The following MROH9 variants were observed in gnomAD, a reference collection of about 807,000 sequenced individuals.
MROH9 encodes maestro heat like repeat family member 9.
In MROH9, 92 loss-of-function variants were observed where a neutral mutation model predicts 98.2. The observed-to-expected ratio is 0.94, with a 90% CI of 0.79 to 1.11. The LOEUF is 1.11. MROH9 is among the 50% of genes most tolerant of loss of function. The pLI is 0.00. For missense variants in MROH9, 1,057 were observed against 1,014.8 expected, an observed-to-expected ratio of 1.04 and a Z score of -0.57; for synonymous variants, 397 against 368.9, an observed-to-expected ratio of 1.08 and a Z score of -0.87.
intron 7 of MROH9, among the ~76,000 whole-genome samples, chr1:170,969,395 C>T (rs1324379895): frequency 6.6e-6 from 1 of 152,108 alleles, no homozygotes; most frequent in Non-Finnish European, 1.5e-5. Flanking sequence ...CATTCCTATT[C>T]TGTTATTCTG....
At chr1:171,001,714 G>A (rs1316799247) in intron 15 of MROH9, among the ~76,000 whole-genome samples, 1 of 152,110 alleles carries the variant, frequency 6.6e-6, no homozygotes, top group East Asian at 1.9e-4. Context: ...TGTGTATTCT[G>A]TGGTTGTTGG....
chr1:170,992,811 T>C (rs1290323183), intron 12 of MROH9, among the ~76,000 whole-genome samples: 1 of 152,136 alleles, frequency 6.6e-6, no homozygotes, highest in Non-Finnish European at 1.5e-5. Flanking sequence ...CTGAGTGAAT[T>C]GGGCAAGGGA....
Position 171,064,635 on chromosome 1 carries a change from T to C in MROH9, c.*295T>C. The stretch of plus-strand genomic sequence containing the variant: ...ATAAGCAAAGTGTTTGATGAGAAGC[T>C]CTGGGAACTTGATTCAGTCCGGAAG... On this transcript the variant is annotated 3_prime_UTR_variant, in exon 22 of 22. Transcript: ENST00000367759. 2 of 251,754 alleles carry C rather than the reference T, an allele frequency of 7.9e-6. No homozygotes were observed. The highest frequency in any genetic ancestry group is 1.5e-5 in the Non-Finnish European group (2 of 133,594). 15.6% of individuals were successfully genotyped at this position (251,754 alleles called of 1,614,324 possible).
chr1:171,006,708 G>A (rs923958924), intron 15 of MROH9, among the ~76,000 whole-genome samples: 2 of 113,898 alleles, frequency 1.8e-5, no homozygotes, highest in African/African-American at 3.4e-5. Flanking sequence ...CAAATGACTT[G>A]TCTTCAAGTT....
intron 20 of MROH9, among the ~76,000 whole-genome samples, chr1:171,039,715 G>A (rs1653233567): frequency 6.6e-6 from 1 of 152,100 alleles, no homozygotes; most frequent in African/African-American, 2.4e-5. Context: ...ATACTTGTTA[G>A]CATGAGAAAT....
chr1:170,952,304 T>A (rs1206684690), intron 3 of MROH9, among the ~76,000 whole-genome samples: 1 of 152,106 alleles, frequency 6.6e-6, no homozygotes, highest in Non-Finnish European at 1.5e-5. Flanking sequence ...TGCACACATA[T>A]GTTTATTGTG....
intron 20 of MROH9, among the ~76,000 whole-genome samples, chr1:171,035,574 T>C (rs1195822535): frequency 6.6e-6 from 1 of 152,032 alleles, no homozygotes; most frequent in South Asian, 2.1e-4. Flanking sequence ...AAAGAATTCA[T>C]GTAAATTTAT....
chr1:171,024,301 GGGGTGTGTGTGTGTGT>G lies in MROH9; in HGVS notation c.1909-92_1909-77del, dbSNP rs1652625469. 9.7e-6 allele frequency: 7 copies of G among 718,634 alleles called. No homozygotes were observed. The African/African-American group carries it at 2.1e-4, about 21-fold the overall frequency. 44.5% of individuals were successfully genotyped at this position (718,634 alleles called of 1,614,324 possible). On this transcript the variant is annotated intron_variant, in intron 17 of 21. Transcript: ENST00000367759. ...ATATACATATATAGTATATTTATAT[GGGGTGTGTGTGTGTGT>G]GTGTGTGTGTGTGTAGATTACTGAT...
In MROH9 at chr1:171,062,136, T is replaced by C; in HGVS notation, c.2286T>C (p.Tyr762=). Residue 762 remains tyrosine, a synonymous_variant, in exon 21 of 22, where the codon TAT becomes TAC. Transcript: ENST00000367759. ...LKRASVILIG[Y]LAKSGGHLLL... is the part of the protein sequence containing the mutation. ...TAATTTTTATTATGTGCATAGGATA[T>C]TTGGCAAAATCAGGTGGTCATTTAC... is the stretch of plus-strand genomic sequence containing the variant. 1 of 1,545,128 alleles carries C rather than the reference T, an allele frequency of 6.5e-7. No homozygotes were observed. Among genetic ancestry groups the C allele is most frequent in the Non-Finnish European group, 8.8e-7 (1 of 1,141,200 alleles).
intron 19 of MROH9, 40 bp downstream of exon 19, chr1:171,024,805 G>A (rs1297564244): frequency 8.2e-7 from 1 of 1,226,914 alleles, no homozygotes; most frequent in African/African-American, 1.5e-5. Context: ...AAGAGTTGTA[G>A]ACAAAACTTA....
At chr1:171,038,703 A>G (rs1653190277) in intron 20 of MROH9, among the ~76,000 whole-genome samples, 1 of 152,216 alleles carries the variant, frequency 6.6e-6, no homozygotes, top group South Asian at 2.1e-4. Flanking sequence ...CAACTGGGTC[A>G]GCCCAATTTT....
intron 20 of MROH9, among the ~76,000 whole-genome samples, chr1:171,049,965 A>T (rs1379187064): frequency 6.6e-6 from 1 of 152,184 alleles, no homozygotes; most frequent in Non-Finnish European, 1.5e-5. Flanking sequence ...TACAGGCATG[A>T]ACCACCATGC....
intron 1 of MROH9, among the ~76,000 whole-genome samples, chr1:170,935,982 CAAAAAAAAAA>C (rs59883013): frequency 2.1e-4 from 13 of 62,256 alleles, no homozygotes; most frequent in South Asian, 1.9e-3. Context: ...CAGAGTGAGA[CAAAAAAAAAA>C]AAAAAAAAAA....
chr1:171,042,950 TG>T (rs1653354437), intron 20 of MROH9, among the ~76,000 whole-genome samples: 1 of 152,188 alleles, frequency 6.6e-6, no homozygotes, highest in Non-Finnish European at 1.5e-5. Context: ...CTCTTCACTT[TG>T]TTGATTGCTT....
chr1:170,992,102 T>C, intron 11 of MROH9, 62 bp from the exon 12 acceptor site: 1 of 1,459,096 alleles, frequency 6.9e-7, no homozygotes, highest in Non-Finnish European at 9.1e-7. Flanking sequence ...ATTCTTGTTA[T>C]TCTATCAAGT....
intron 11 of MROH9, 122 bp from the exon 12 acceptor site, chr1:170,992,042 T>C: frequency 1.1e-6 from 1 of 952,170 alleles, no homozygotes; most frequent in Non-Finnish European, 1.5e-6. Flanking sequence ...TTTGGACATG[T>C]CTGCAGTGTC....
At chr1:171,052,332 C>T (rs1233745835) in intron 20 of MROH9, among the ~76,000 whole-genome samples, 5 of 152,164 alleles carry the variant, frequency 3.3e-5, no homozygotes, top group South Asian at 4.1e-4. Flanking sequence ...CAGGCCCATC[C>T]GTGGCCCCCC....
intron 17 of MROH9, among the ~76,000 whole-genome samples, chr1:171,019,435 C>T (rs1413119827): frequency 6.6e-6 from 1 of 151,890 alleles, no homozygotes; most frequent in African/African-American, 2.4e-5. Flanking sequence ...GGGTGGATCA[C>T]GAGATCAAGA....
intron 1 of MROH9, among the ~76,000 whole-genome samples, chr1:170,938,016 G>A (rs575728153): frequency 1.3e-5 from 2 of 152,248 alleles, no homozygotes; most frequent in South Asian, 4.1e-4. Context: ...GTAATACTAA[G>A]AGACACACTA....
Sources: allele counts gnomAD v4.1 joint callset (sites outside exome capture counted in the v4.1 genomes callset), GRCh38; gene constraint gnomAD v4.1.1; transcripts MANE v1.5; gene names NCBI Gene and HGNC (gene_info 2026-07-23, HGNC 2026-07-21).